The following CDH13 variants were observed in gnomAD, a reference collection of about 807,000 sequenced individuals.
CDH13 encodes the protein cadherin 13, also known as cadherin-13.
Under a neutral mutation model 63.8 loss-of-function variants are expected in CDH13, and 24 were observed. The observed-to-expected ratio is 0.38, with a 90% CI of 0.27 to 0.53. The LOEUF is 0.53. CDH13 is among the 20% of genes least tolerant of loss of function. The pLI is 0.85. For missense variants in CDH13, 1,049 were observed against 903.1 expected, an observed-to-expected ratio of 1.16 and a Z score of -2.07; for synonymous variants, 503 against 355.3, an observed-to-expected ratio of 1.42 and a Z score of -4.67.
chr16:83,766,402 T>C (rs1313492903), intron 11 of CDH13, among the ~76,000 whole-genome samples: 1 of 152,206 alleles, frequency 6.6e-6, no homozygotes, highest in East Asian at 1.9e-4. Flanking sequence ...AAACCACAAT[T>C]ACTTGTGCAT....
rs1357276124 is a variant in CDH13 at position 83,678,232 on chromosome 16, T to C, written c.1309T>C (p.Phe437Leu). 1 of 1,613,462 alleles carries C rather than the reference T, an allele frequency of 6.2e-7. No individual in the cohort carries two copies. Among genetic ancestry groups the C allele is most frequent in the Admixed American group, 1.7e-5 (1 of 60,020 alleles). ...GCCATTGGACTATGAAATTTCTGCC[T>C]TCCACACCCTGCTGATCAAAGTGGA... ...VKPLDYEISA[F>L]HTLLIKVENE... The change falls in exon 10 of 14, where the codon TTC becomes CTC. Residue 437 changes from phenylalanine to leucine, a missense_variant. Transcript: ENST00000567109.
chr16:83,602,537 A>G lies in CDH13; in HGVS notation c.1044A>G (p.Thr348=). 6.2e-7 allele frequency: 1 copy of G among 1,613,990 alleles called. No individual in the cohort carries two copies. The highest frequency in any genetic ancestry group is 8.5e-7 in the Non-Finnish European group (1 of 1,179,848). ...GLDVGLTGTA[T]ATIMIDDKND... Reference sequence around the variant, plus strand: ...ATGTTGGATTAACAGGCACGGCCACAGCCACGATCATGATCGATGACAAAA... The same window carrying G: ...ATGTTGGATTAACAGGCACGGCCACGGCCACGATCATGATCGATGACAAAA... The change falls in exon 8 of 14, where the codon ACA becomes ACG. Residue 348 remains threonine, a synonymous_variant. Coordinates refer to ENST00000567109, the MANE Select transcript of CDH13 (RefSeq NM_001257.5).
chr16:82,682,398 C>T (rs575107503), intron 1 of CDH13, among the ~76,000 whole-genome samples: 4 of 152,266 alleles, frequency 2.6e-5, no homozygotes, highest in African/African-American at 9.6e-5. Flanking sequence ...TGATGAGAAA[C>T]AGAGGAGAGG....
At chr16:82,681,925 A>C (rs1477893427) in intron 1 of CDH13, among the ~76,000 whole-genome samples, 1 of 152,242 alleles carries the variant, frequency 6.6e-6, no homozygotes, top group Non-Finnish European at 1.5e-5. Flanking sequence ...TGCCTGCAGC[A>C]GTTCCCAGGC....
At chr16:83,466,818 T>C (rs1437142329) in intron 6 of CDH13, among the ~76,000 whole-genome samples, 1 of 152,248 alleles carries the variant, frequency 6.6e-6, no homozygotes, top group Non-Finnish European at 1.5e-5. Flanking sequence ...CTTCACATCA[T>C]GTTAGCCCAA....
chr16:82,738,828 C>T (rs1159351823), intron 1 of CDH13, among the ~76,000 whole-genome samples: 1 of 152,172 alleles, frequency 6.6e-6, no homozygotes, highest in Non-Finnish European at 1.5e-5. Context: ...TCGCTTATTT[C>T]TTTGACTAAT....
Position 83,082,343 on chromosome 16 carries a change from A to G in CDH13, c.367-43042A>G, listed in dbSNP as rs536640712. Reference sequence around the variant, plus strand: ...CTAGTACAGGAGTTGAACATTTTCCAGATTCAGAAAGATCTCCCTGCCCTT... The same window carrying G: ...CTAGTACAGGAGTTGAACATTTTCCGGATTCAGAAAGATCTCCCTGCCCTT... On this transcript the variant is annotated intron_variant, in intron 3 of 13. Transcript: ENST00000567109. 8.7e-4 allele frequency among the ~76,000 whole-genome samples: 132 copies of G among 152,290 alleles called. 1 individual carries two copies. Among genetic ancestry groups the G allele is most frequent in the African/African-American group, 2.8e-3 (117 of 41,576 alleles).
chr16:83,691,166 C>G (rs959469801), intron 10 of CDH13, among the ~76,000 whole-genome samples: 1 of 148,812 alleles, frequency 6.7e-6, no homozygotes, highest in African/African-American at 2.5e-5. Flanking sequence ...GATTTTTGTC[C>G]CAAACAAATG....
intron 6 of CDH13, among the ~76,000 whole-genome samples, chr16:83,466,502 G>T (rs2325832): frequency 0.51 from 77,365 of 152,000 alleles, 20,021 homozygotes; most frequent in East Asian, 0.82. Context: ...GTGGGCTGGG[G>T]AGGAAAACTG....
chr16:83,665,782 C>G (rs2150845927), intron 8 of CDH13, among the ~76,000 whole-genome samples: 1 of 152,276 alleles, frequency 6.6e-6, no homozygotes, highest in East Asian at 1.9e-4. Context: ...GTCTTTCCAG[C>G]CTTCTGATCA....
At chr16:83,078,944 A>T (rs1365188557) in intron 3 of CDH13, among the ~76,000 whole-genome samples, 1 of 152,042 alleles carries the variant, frequency 6.6e-6, no homozygotes, top group Non-Finnish European at 1.5e-5. Flanking sequence ...ACACGTGTGC[A>T]CCACCACAGC....
intron 8 of CDH13, among the ~76,000 whole-genome samples, chr16:83,670,556 G>A (rs774631578): frequency 1.3e-5 from 2 of 152,200 alleles, no homozygotes; most frequent in Non-Finnish European, 2.9e-5. Context: ...GCACAGCACA[G>A]CCATGGTCAG....
intron 6 of CDH13, among the ~76,000 whole-genome samples, chr16:83,467,262 G>C (rs1273920474): frequency 6.6e-6 from 1 of 152,154 alleles, no homozygotes; most frequent in African/African-American, 2.4e-5. Context: ...AGATTGGAAA[G>C]AAATGAAGAA....
chr16:83,218,663 A>G (rs1010076717), intron 5 of CDH13, among the ~76,000 whole-genome samples: 5 of 152,186 alleles, frequency 3.3e-5, no homozygotes, highest in Non-Finnish European at 7.3e-5. Context: ...AAGTTCTGGC[A>G]CAAAAAACTA....
At chr16:83,390,610 A>T (rs2091767849) in intron 6 of CDH13, among the ~76,000 whole-genome samples, 9 of 152,102 alleles carry the variant, frequency 5.9e-5, no homozygotes, top group Admixed American at 5.9e-4. Context: ...TATGCCTCCA[A>T]GCCAGGAGTC....
chr16:83,671,665 G>A (rs981779791), intron 9 of CDH13, among the ~76,000 whole-genome samples: 1 of 152,190 alleles, frequency 6.6e-6, no homozygotes, highest in Admixed American at 6.6e-5. Context: ...CGTGGGCTAC[G>A]ACATGACTTC....
chr16:83,697,093 T>C (rs1031360643), intron 10 of CDH13, among the ~76,000 whole-genome samples: 1 of 152,210 alleles, frequency 6.6e-6, no homozygotes, highest in Non-Finnish European at 1.5e-5. Flanking sequence ...TCGATCCTTA[T>C]TATTCACAAA....
At chr16:83,324,370 A>G (rs1204744215) in intron 5 of CDH13, among the ~76,000 whole-genome samples, 1 of 152,134 alleles carries the variant, frequency 6.6e-6, no homozygotes, top group Non-Finnish European at 1.5e-5. Context: ...CTTCACCTCA[A>G]AAGAAACCCC....
intron 3 of CDH13, among the ~76,000 whole-genome samples, chr16:83,077,228 T>C (rs1424321328): frequency 7.7e-6 from 1 of 130,718 alleles, no homozygotes; most frequent in East Asian, 2.5e-4. Context: ...AGTCTCACTC[T>C]GTCACCTAGG....
Sources: gnomAD v4.1 joint callset for allele counts (sites outside exome capture counted in the v4.1 genomes callset) on GRCh38, gnomAD v4.1.1 for gene constraint, MANE v1.5 for transcripts, NCBI Gene and HGNC (gene_info 2026-07-23, HGNC 2026-07-21) for gene names.